Variants in JPH3 observed in about 807,000 individuals in gnomAD.
JPH3 encodes the protein junctophilin 3, also known as junctophilin-3.
Under a neutral mutation model 59.6 loss-of-function variants are expected in JPH3, and 11 were observed. The observed-to-expected ratio is 0.18, with a 90% CI of 0.12 to 0.31. JPH3 has a LOEUF of 0.31. Among genes scored for constraint, JPH3 ranks in the 10% least tolerant of loss-of-function variants. The pLI is 1.00. For missense variants in JPH3, 1,202 were observed against 1,105.7 expected (o/e 1.09, Z -1.24); for synonymous variants, 673 against 483.6 (o/e 1.39, Z -5.14).
intron 1 of JPH3, among the ~76,000 whole-genome samples, chr16:87,609,417 C>T (rs1319324909): frequency 6.6e-6 from 1 of 152,166 alleles, no homozygotes. Context: ...CAGGCATACA[C>T]CACCACACCT....
At position 87,645,003 on chromosome 16, in the gene JPH3, C is replaced by T. The variant is rs111568864; in HGVS notation, c.1128C>T (p.Ile376=). 4,400 of 1,606,402 alleles carry T rather than the reference C, an allele frequency of 2.7e-3. 78 individuals carry two copies. The African/African-American group carries it at 0.042, about 15-fold the overall frequency. The change falls in exon 2 of 5, where the codon ATC becomes ATT. Residue 376 remains isoleucine (I), a synonymous_variant. Transcript: ENST00000284262. ...AGGCCGCTGAGCGGGCCGCCACCAT[C>T]GCCAAGCAGAAGGCTGAGATCGCGG... ...AVEAAERAAT[I]AKQKAEIAAS...
intron 1 of JPH3, among the ~76,000 whole-genome samples, chr16:87,617,889 G>C (rs1282369425): frequency 2.6e-5 from 4 of 152,078 alleles, no homozygotes; most frequent in Admixed American, 2.6e-4. Flanking sequence ...GTGGCTGGGC[G>C]CGGTGGCTCA....
In JPH3 at chr16:87,697,177, G is replaced by A. The variant is rs1175152042; in HGVS notation, c.*517G>A. The A allele has an allele frequency of 5.6e-6, 1 of 178,116 alleles. No individual in the cohort carries two copies. The highest frequency in any genetic ancestry group is 1.2e-5 in the Non-Finnish European group (1 of 82,904). 11.0% of individuals were successfully genotyped at this position (178,116 alleles called of 1,614,324 possible). On this transcript the variant is annotated 3_prime_UTR_variant, in exon 5 of 5. Coordinates refer to ENST00000284262, the MANE Select transcript of JPH3 (RefSeq NM_020655.4). ...TGGGGCAGGGTGGCCCACCCCAGTG[G>A]GCAGTAGCCTGGCCTTTTTCTGTGT... is the stretch of plus-strand genomic sequence containing the variant.
At chr16:87,674,020 TAC>T (rs2033082310) in intron 2 of JPH3, among the ~76,000 whole-genome samples, 1 of 147,364 alleles carries the variant, frequency 6.8e-6, no homozygotes, top group East Asian at 2.0e-4. Context: ...ATCTCCAAGA[TAC>T]AGTGTTAAGT....
At chr16:87,657,084 T>C (rs1482984822) in intron 2 of JPH3, among the ~76,000 whole-genome samples, 1 of 152,216 alleles carries the variant, frequency 6.6e-6, no homozygotes, top group South Asian at 2.1e-4. Context: ...AGGCTTCACA[T>C]AGGAACCTGA....
At chr16:87,625,869 CA>C (rs1290960263) in intron 1 of JPH3, among the ~76,000 whole-genome samples, 4 of 152,098 alleles carry the variant, frequency 2.6e-5, no homozygotes, top group Non-Finnish European at 5.9e-5. Context: ...ATGTTCACCC[CA>C]TACCCTCCCC....
intron 2 of JPH3, among the ~76,000 whole-genome samples, chr16:87,666,067 T>G (rs1207568872): frequency 6.6e-6 from 1 of 151,200 alleles, no homozygotes. Flanking sequence ...GAATATCAGG[T>G]AAATAACAGG....
At chr16:87,661,080 G>A (rs2032686684) in intron 2 of JPH3, among the ~76,000 whole-genome samples, 1 of 152,230 alleles carries the variant, frequency 6.6e-6, no homozygotes, top group Non-Finnish European at 1.5e-5. Context: ...ATAAGTTTCT[G>A]GAGGCTCCAG....
chr16:87,628,384 C>G (rs1483942029), intron 1 of JPH3, among the ~76,000 whole-genome samples: 1 of 152,252 alleles, frequency 6.6e-6, no homozygotes, highest in East Asian at 1.9e-4. Flanking sequence ...AGAGTGAGCC[C>G]CCATCCCTGG....
chr16:87,665,414 C>T (rs1472844057), intron 2 of JPH3, among the ~76,000 whole-genome samples: 4 of 152,216 alleles, frequency 2.6e-5, no homozygotes, highest in Non-Finnish European at 5.9e-5. Context: ...CTGCTGACCC[C>T]GGACCCCGCA....
chr16:87,687,838 G>A (rs1231573802), intron 3 of JPH3, among the ~76,000 whole-genome samples: 4 of 152,190 alleles, frequency 2.6e-5, no homozygotes, highest in African/African-American at 7.2e-5. Context: ...GAAAGGCCGG[G>A]GCGCCATCGG....
At position 87,644,715 on chromosome 16, in the gene JPH3, C is replaced by G; in HGVS notation, c.840C>G (p.Ile280Met). The G allele has an allele frequency of 1.9e-6, 3 of 1,601,762 alleles. No homozygotes were observed. Among genetic ancestry groups the G allele is most frequent in the Middle Eastern group, 1.7e-4 (1 of 6,054 alleles). Reference protein sequence around the residue: ...EAELAVIEDDIDATTTETYVG... With the variant: ...EAELAVIEDDMDATTTETYVG... ...AGCTGGCGGTCATCGAGGACGACATCGACGCCACCACCACCGAGACCTACG... is the reference window on the plus strand; with the variant it reads ...AGCTGGCGGTCATCGAGGACGACATGGACGCCACCACCACCGAGACCTACG... Residue 280 changes from isoleucine (I) to methionine (M), a missense_variant, in exon 2 of 5, where the codon ATC (isoleucine) becomes ATG (methionine). Ile to Met is a conservative substitution (Grantham distance 10). Transcript: ENST00000284262.
chr16:87,652,582 G>A (rs1261453063), intron 2 of JPH3, among the ~76,000 whole-genome samples: 2 of 152,196 alleles, frequency 1.3e-5, no homozygotes, highest in African/African-American at 4.8e-5. Context: ...TCCTGCTTCC[G>A]CCTTCCGAGT....
chr16:87,679,234 G>T (rs149579842), intron 2 of JPH3, among the ~76,000 whole-genome samples: 2 of 152,108 alleles, frequency 1.3e-5, no homozygotes, highest in Non-Finnish European at 2.9e-5. Context: ...TATTGCTTAG[G>T]GTTTCTCTCT....
At position 87,644,689 on chromosome 16, in the gene JPH3, G is replaced by A. The variant is rs2032079664; in HGVS notation, c.814G>A (p.Glu272Lys). ...STISLGEAEA[E>K]LAVIEDDIDA... ...CATCAGCCTGGGCGAGGCTGAGGCCGAGCTGGCGGTCATCGAGGACGACAT... is the reference window on the plus strand; with the variant it reads ...CATCAGCCTGGGCGAGGCTGAGGCCAAGCTGGCGGTCATCGAGGACGACAT... Residue 272 changes from glutamate (E) to lysine (K), a missense_variant, in exon 2 of 5, where the codon GAG becomes AAG. Transcript: ENST00000284262. 14 of 1,611,972 alleles carry A rather than the reference G, an allele frequency of 8.7e-6. No individual in the cohort carries two copies. In the East Asian group the frequency reaches 8.9e-5, roughly 10 times the overall value.
In JPH3 at chr16:87,638,624, T is replaced by TGGGGAGTGA. The variant is rs148566705; in HGVS notation, c.383-5631_383-5623dup. Among the ~76,000 whole-genome samples the TGGGGAGTGA allele has an allele frequency of 7.8e-3, 1,193 of 152,102 alleles. 17 individuals are homozygous for TGGGGAGTGA. The highest frequency in any genetic ancestry group is 0.028 in the African/African-American group (1,142 of 41,470). On this transcript the variant is annotated intron_variant, in intron 1 of 4. Transcript: ENST00000284262. ...GGTCGGCTTGGTTCATGGCAGGGCTTGGGGAGTGAGGAGAGTGAGGAGTAC... is the reference window on the plus strand; with the variant it reads ...GGTCGGCTTGGTTCATGGCAGGGCTTGGGGAGTGAGGGGAGTGAGGAGAGTGAGGAGTAC...
chr16:87,637,874 G>T (rs1471644262), intron 1 of JPH3, among the ~76,000 whole-genome samples: 1 of 152,102 alleles, frequency 6.6e-6, no homozygotes, highest in Non-Finnish European at 1.5e-5. Flanking sequence ...GGCTGCTGGT[G>T]TTCTGTGTTG....
chr16:87,658,231 C>T (rs552139548), intron 2 of JPH3, among the ~76,000 whole-genome samples: 4 of 152,180 alleles, frequency 2.6e-5, no homozygotes, highest in Non-Finnish European at 5.9e-5. Context: ...GCAGGGCTAC[C>T]AAACAGTGCA....
intron 2 of JPH3, among the ~76,000 whole-genome samples, chr16:87,659,374 C>CGGAAAAAAAA (rs1362136229): frequency 1.3e-5 from 1 of 74,556 alleles, no homozygotes. Context: ...AAGACTGTCT[C>CGGAAAAAAAA]AAAAAAAAAA....
Sources: gnomAD v4.1 joint callset for allele counts (sites outside exome capture counted in the v4.1 genomes callset) on GRCh38, gnomAD v4.1.1 for gene constraint, MANE v1.5 for transcripts, NCBI Gene and HGNC (gene_info 2026-07-23, HGNC 2026-07-21) for gene names.